The following AKR1C2 variants were observed in gnomAD, a reference collection of about 807,000 sequenced individuals.
AKR1C2 encodes the protein aldo-keto reductase family 1 member C2.
In AKR1C2, 27 loss-of-function variants were observed where a neutral mutation model predicts 39.8. The ratio of observed to expected loss-of-function variants is 0.68; its 90% CI spans 0.50 to 0.93. The LOEUF (loss-of-function observed/expected upper bound fraction) is 0.93. AKR1C2 is among the 40% of genes least tolerant of loss of function. The pLI is 0.00. For synonymous variants in AKR1C2, 114 were observed against 137.9 expected, an observed-to-expected ratio of 0.83 and a Z score of 1.22; for missense variants, 263 against 365.1, an observed-to-expected ratio of 0.72 and a Z score of 2.28.
At position 4,989,764 on chromosome 10, in the gene AKR1C2, A is replaced by C. The variant is rs1836770587; in HGVS notation, c.*232T>G. 3.4e-6 allele frequency: 2 copies of C among 596,324 alleles called. No individual in the cohort carries two copies. Among genetic ancestry groups the C allele is most frequent in the African/African-American group, 1.9e-5 (1 of 51,506 alleles). The allele number at this position is 596,324 out of a possible 1,614,324, so 36.9% of individuals were successfully genotyped here. A position where few individuals can be genotyped will look rare whatever the true frequency, so the allele number is the denominator to read the frequency against. ...AGGAGAGAAAACATAGAAGTTATGGAGACCAAAGTAGGTGAAGAATCTTTA... is the reference window on the plus strand; with the variant it reads ...AGGAGAGAAAACATAGAAGTTATGGCGACCAAAGTAGGTGAAGAATCTTTA... On this transcript the variant is annotated 3_prime_UTR_variant, in exon 9 of 9. Coordinates refer to ENST00000380753, the MANE Select transcript of AKR1C2 (RefSeq NM_001393392.1).
At chr10:5,001,446 A>G (rs1837269410) in intron 2 of AKR1C2, 68 bp downstream of exon 2, 5 of 1,556,844 alleles carry the variant, frequency 3.2e-6, no homozygotes, top group African/African-American at 1.4e-5. Flanking sequence ...GGATCCAGTC[A>G]TAGAACTGCC....
At position 4,989,828 on chromosome 10, in the gene AKR1C2, T is replaced by G. The variant is rs1836772143; in HGVS notation, c.*168A>C. ...AATTTTTTCAAAATGAAAAACAAAATTATTGTCTTTCTTTTCCGGCCGATG... is the reference window on the plus strand; with the variant it reads ...AATTTTTTCAAAATGAAAAACAAAAGTATTGTCTTTCTTTTCCGGCCGATG... On this transcript the variant is annotated 3_prime_UTR_variant, in exon 9 of 9. Coordinates refer to ENST00000380753, the MANE Select transcript of AKR1C2 (RefSeq NM_001393392.1). 9.7e-7 allele frequency: 1 copy of G among 1,030,234 alleles called. No individual in the cohort carries two copies. The highest frequency in any genetic ancestry group is 1.4e-6 in the Non-Finnish European group (1 of 713,190). 63.8% of individuals were successfully genotyped at this position (1,030,234 alleles called of 1,614,324 possible). A position where few individuals can be genotyped will look rare whatever the true frequency, so the allele number is the denominator to read the frequency against.
At chr10:5,001,968 C>T (rs1311697931) in intron 1 of AKR1C2, among the ~76,000 whole-genome samples, 10 of 152,120 alleles carry the variant, frequency 6.6e-5, no homozygotes, top group Admixed American at 1.3e-4. Flanking sequence ...ATCAACAGGA[C>T]GCAACTATAG....
At chr10:5,003,209 T>G (rs1402750815) in intron 1 of AKR1C2, among the ~76,000 whole-genome samples, 1 of 127,850 alleles carries the variant, frequency 7.8e-6, no homozygotes, top group Non-Finnish European at 1.8e-5. Context: ...TTCTAGTTTT[T>G]TTTTTTTTTT....
rs541875996 is a variant in AKR1C2 at position 5,003,152 on chromosome 10, C to T, written c.84+600G>A. ...TCTGTTACAATATTTTGATACAAAT[C>T]TGACCCATATTAACAAAGACAAAGA... On this transcript the variant is annotated intron_variant, in intron 1 of 8. Transcript: ENST00000380753. Among the ~76,000 whole-genome samples, 280 of 151,026 alleles carry T rather than the reference C, an allele frequency of 1.9e-3. 3 individuals are homozygous for T. The highest frequency in any genetic ancestry group is 6.5e-3 in the African/African-American group (266 of 41,220).
chr10:5,000,733 C>G (rs1837241556), intron 2 of AKR1C2, 67 bp from the exon 3 acceptor site: 4 of 1,446,062 alleles, frequency 2.8e-6, no homozygotes, highest in Non-Finnish European at 3.8e-6. Flanking sequence ...TTTGCTCCAC[C>G]TAATATTTAG....
chr10:5,015,484 A>T (rs1251561938), intron 1 of AKR1C2, among the ~76,000 whole-genome samples: 1 of 152,116 alleles, frequency 6.6e-6, no homozygotes, highest in South Asian at 2.1e-4. Flanking sequence ...TGTTCTGTAG[A>T]CACAGAACTA....
chr10:4,990,562 T>G (rs1395205603), intron 8 of AKR1C2, among the ~76,000 whole-genome samples: 4 of 152,244 alleles, frequency 2.6e-5, no homozygotes, highest in Non-Finnish European at 1.5e-5. Context: ...CGTAAATTAT[T>G]GTTTATGTTA....
At chr10:5,009,759 C>A (rs1198241940) in intron 1 of AKR1C2, among the ~76,000 whole-genome samples, 2 of 152,070 alleles carry the variant, frequency 1.3e-5, no homozygotes. Flanking sequence ...CCTGGGCAGA[C>A]CAGCAGGTGA....
At chr10:5,016,101 C>T (rs1486872109) in intron 1 of AKR1C2, among the ~76,000 whole-genome samples, 9 of 152,176 alleles carry the variant, frequency 5.9e-5, no homozygotes, top group African/African-American at 2.2e-4. Flanking sequence ...TAGAATTTCA[C>T]ATGTAATTTG....
chr10:5,017,337 ACGTGAG>A (rs1300868468), intron 1 of AKR1C2, among the ~76,000 whole-genome samples: 5 of 152,222 alleles, frequency 3.3e-5, no homozygotes, highest in Non-Finnish European at 7.3e-5. Flanking sequence ...TTGGGCATGC[ACGTGAG>A]AATATGCTGT....
chr10:4,998,834 G>C (rs540898056), intron 4 of AKR1C2, 87 bp from the exon 5 acceptor site: 3 of 1,563,234 alleles, frequency 1.9e-6, no homozygotes, highest in African/African-American at 1.4e-5. Flanking sequence ...AGCAACAACT[G>C]TCTAGACGTG....
chr10:4,994,732 T>C (rs1177325691), intron 7 of AKR1C2, among the ~76,000 whole-genome samples: 1 of 150,168 alleles, frequency 6.7e-6, no homozygotes, highest in Non-Finnish European at 1.5e-5. Context: ...ATGGACTGAG[T>C]TTAGGCTGAG....
intron 1 of AKR1C2, among the ~76,000 whole-genome samples, chr10:5,014,510 C>T (rs74111955): frequency 0.045 from 6,912 of 152,050 alleles, 515 homozygotes; most frequent in African/African-American, 0.16. Flanking sequence ...ATCCAAACCA[C>T]GCCTTCATCA....
rs7086564 is a variant in AKR1C2 at position 5,014,350 on chromosome 10, C to T, written c.-88+3550G>A. ...ATGGTTACTGGGCTCGTTTTTAGCA[C>T]AAAGGTCTCACTGTTGTGTTATCCT... On this transcript the variant is annotated intron_variant, in intron 1 of 6. Coordinates refer to the AKR1C2 transcript ENST00000604507. Among the ~76,000 whole-genome samples, 1,024 of 152,306 alleles carry T rather than the reference C, an allele frequency of 6.7e-3. 13 individuals carry two copies. The highest frequency in any genetic ancestry group is 0.023 in the African/African-American group (973 of 41,556).
At chr10:5,008,077 T>C (rs1837440776), upstream of AKR1C2, among the ~76,000 whole-genome samples, 1 of 151,298 alleles carries the variant, frequency 6.6e-6, no homozygotes, top group Admixed American at 6.6e-5. Context: ...CAGTTTGGAG[T>C]TTAATGCCCA....
chr10:4,999,017 C>T (rs1837163867), intron 4 of AKR1C2, among the ~76,000 whole-genome samples, 183 bp downstream of exon 4: 1 of 152,078 alleles, frequency 6.6e-6, no homozygotes, highest in Non-Finnish European at 1.5e-5. Context: ...CAATTCTTCT[C>T]CTCCACTTCT....
intron 1 of AKR1C2, among the ~76,000 whole-genome samples, chr10:5,002,211 A>G (rs1195779423): frequency 6.6e-6 from 1 of 152,202 alleles, no homozygotes; most frequent in Non-Finnish European, 1.5e-5. Flanking sequence ...GGGACTGGAT[A>G]CATTGACTCA....
At chr10:4,996,547 AAT>A (rs200451297) in intron 5 of AKR1C2, among the ~76,000 whole-genome samples, 103 of 144,538 alleles carry the variant, frequency 7.1e-4, no homozygotes, top group African/African-American at 2.3e-3. Flanking sequence ...ATATATATAT[AAT>A]ATATATATAT....
Sources: allele counts gnomAD v4.1 joint callset (sites outside exome capture counted in the v4.1 genomes callset), GRCh38; gene constraint gnomAD v4.1.1; transcripts MANE v1.5; gene names NCBI Gene and HGNC (gene_info 2026-07-23, HGNC 2026-07-21).